ELAPOR2: variants seen among roughly 807,000 people sequenced by gnomAD.
ELAPOR2 encodes endosome/lysosome-associated apoptosis and autophagy regulator family member 2.
A neutral mutation model predicts 120.7 loss-of-function variants in ELAPOR2; 89 were observed. The observed-to-expected ratio is 0.74, with a 90% CI of 0.62 to 0.88. The LOEUF is 0.88. ELAPOR2 is among the 40% of genes least tolerant of loss of function. The pLI is 0.00. For synonymous variants in ELAPOR2, 444 were observed against 444.9 expected, an observed-to-expected ratio of 1.00 and a Z score of 0.03; for missense variants, 1,134 against 1,251.6, an observed-to-expected ratio of 0.91 and a Z score of 1.42.
At chr7:86,901,231 A>G (rs149732870) in intron 18 of ELAPOR2, among the ~76,000 whole-genome samples, 1 of 152,226 alleles carries the variant, frequency 6.6e-6, no homozygotes, top group Non-Finnish European at 1.5e-5. Context: ...TGGTAAATGA[A>G]TAAGAGACTT....
chr7:87,018,199 C>T (rs993987484), intron 1 of ELAPOR2, among the ~76,000 whole-genome samples: 1 of 152,056 alleles, frequency 6.6e-6, no homozygotes, highest in Non-Finnish European at 1.5e-5. Flanking sequence ...CGCCACCATG[C>T]CCAGCTAATT....
chr7:86,997,902 G>A (rs781461809), intron 1 of ELAPOR2, among the ~76,000 whole-genome samples: 14 of 152,106 alleles, frequency 9.2e-5, no homozygotes, highest in South Asian at 2.1e-4. Flanking sequence ...AAAGCCTTTC[G>A]TATGTTTTCA....
chr7:87,021,459 T>C (rs1181839400), intron 1 of ELAPOR2, among the ~76,000 whole-genome samples: 15 of 152,162 alleles, frequency 9.9e-5, no homozygotes, highest in Admixed American at 9.2e-4. Flanking sequence ...TAATGACTCA[T>C]GATATCCATA....
chr7:86,937,302 A>C (rs149770725), intron 8 of ELAPOR2, among the ~76,000 whole-genome samples: 2 of 152,164 alleles, frequency 1.3e-5, no homozygotes, highest in African/African-American at 2.4e-5. Context: ...AATCTAGATT[A>C]GAATCTAGGG....
At chr7:87,016,314 AT>A (rs1439652542) in intron 1 of ELAPOR2, among the ~76,000 whole-genome samples, 4 of 152,058 alleles carry the variant, frequency 2.6e-5, no homozygotes, top group Non-Finnish European at 4.4e-5. Flanking sequence ...AAGTAAGGGG[AT>A]GGGTAGAAAT....
At chr7:86,982,541 C>T (rs1792543378) in intron 1 of ELAPOR2, among the ~76,000 whole-genome samples, 1 of 152,212 alleles carries the variant, frequency 6.6e-6, no homozygotes, top group Non-Finnish European at 1.5e-5. Context: ...ACCAGGCCAA[C>T]AGGGTCCAGA....
intron 2 of ELAPOR2, among the ~76,000 whole-genome samples, chr7:86,961,871 G>A (rs1292181541): frequency 6.6e-6 from 1 of 152,186 alleles, no homozygotes; most frequent in African/African-American, 2.4e-5. Flanking sequence ...GTTCCCTGTG[G>A]CTGAGCCTGG....
intron 1 of ELAPOR2, among the ~76,000 whole-genome samples, chr7:87,031,078 A>G (rs865790036): frequency 2.3e-4 from 35 of 152,152 alleles, no homozygotes; most frequent in Admixed American, 6.5e-4. Context: ...TGATTCAATT[A>G]TCTCCCACCT....
At chr7:86,974,953 T>A (rs1792231961) in intron 1 of ELAPOR2, among the ~76,000 whole-genome samples, 1 of 152,294 alleles carries the variant, frequency 6.6e-6, no homozygotes, top group African/African-American at 2.4e-5. Flanking sequence ...AGGTCATAAG[T>A]AAGACACAGG....
In ELAPOR2 at chr7:86,913,148, T is replaced by A; in HGVS notation, c.1788A>T (p.Ala596=). 1.2e-6 allele frequency: 2 copies of A among 1,614,036 alleles called. No individual in the cohort carries two copies. Among genetic ancestry groups the A allele is most frequent in the African/African-American group, 1.3e-5 (1 of 75,032 alleles). ...GGCATGAGGACGCCACCCCATCAAC[T>A]GCATTAGTGGCTGTGATAGAATAAA... ...VKIYSITATN[A]VDGVASSCRA... Residue 596 remains alanine, a synonymous_variant, in exon 14 of 22, where the codon GCA becomes GCT. Transcript: ENST00000450689.
At chr7:86,914,468 A>T (rs1374962803) in intron 13 of ELAPOR2, among the ~76,000 whole-genome samples, 2 of 152,196 alleles carry the variant, frequency 1.3e-5, no homozygotes, top group Non-Finnish European at 2.9e-5. Flanking sequence ...TCCTTCTCAT[A>T]AGTTTCCAAA....
At chr7:87,019,605 A>T (rs1402957852) in intron 1 of ELAPOR2, among the ~76,000 whole-genome samples, 3 of 152,212 alleles carry the variant, frequency 2.0e-5, no homozygotes, top group Non-Finnish European at 4.4e-5. Context: ...TATGAACTGG[A>T]CACTATTTTT....
At chr7:87,034,409 T>G (rs750078465) in intron 1 of ELAPOR2, among the ~76,000 whole-genome samples, 4 of 152,124 alleles carry the variant, frequency 2.6e-5, no homozygotes, top group Non-Finnish European at 5.9e-5. Flanking sequence ...AGTGAGATTA[T>G]GGGTGTTTTT....
chr7:86,922,046 A>AT (rs1013510728), intron 10 of ELAPOR2, among the ~76,000 whole-genome samples: 15 of 151,750 alleles, frequency 9.9e-5, no homozygotes, highest in South Asian at 2.1e-4. Flanking sequence ...AAAAATTAAG[A>AT]TTTTTTTTTC....
chr7:87,046,417 C>T (rs531410023), intron 1 of ELAPOR2, among the ~76,000 whole-genome samples: 32 of 152,264 alleles, frequency 2.1e-4, no homozygotes, highest in South Asian at 6.2e-4. Context: ...AAAGTACCTA[C>T]GATATTCTTC....
At chr7:87,006,229 T>A (rs1043826286) in intron 1 of ELAPOR2, among the ~76,000 whole-genome samples, 6 of 152,064 alleles carry the variant, frequency 3.9e-5, no homozygotes, top group Non-Finnish European at 8.8e-5. Context: ...AAATGACCAA[T>A]ACACACATTA....
rs148066709 is a variant in ELAPOR2 at position 86,999,260 on chromosome 7, G to A, written c.190-34236C>T. The stretch of plus-strand genomic sequence containing the variant: ...CCACTTAATTTGGGCAAGGTATTCC[G>A]TATTTTGATCTGCTAGAATTTTTTT... On this transcript the variant is annotated intron_variant, in intron 1 of 21. Transcript: ENST00000450689. Among the ~76,000 whole-genome samples, 340 of 152,144 alleles carry A rather than the reference G, an allele frequency of 2.2e-3. 2 individuals are homozygous for A. The highest frequency in any genetic ancestry group is 7.7e-3 in the African/African-American group (321 of 41,534).
chr7:86,973,572 A>G (rs1409033909), intron 1 of ELAPOR2, among the ~76,000 whole-genome samples: 1 of 152,120 alleles, frequency 6.6e-6, no homozygotes, highest in Non-Finnish European at 1.5e-5. Flanking sequence ...GGTCTGCTTC[A>G]CATACAAAAG....
chr7:87,028,066 G>A (rs1794301348), intron 1 of ELAPOR2, among the ~76,000 whole-genome samples: 1 of 152,110 alleles, frequency 6.6e-6, no homozygotes, highest in Admixed American at 6.6e-5. Context: ...ACATGTTGAA[G>A]TATACTTTGT....
Sources: allele counts gnomAD v4.1 joint callset (sites outside exome capture counted in the v4.1 genomes callset), GRCh38; gene constraint gnomAD v4.1.1; transcripts MANE v1.5; gene names NCBI Gene and HGNC (gene_info 2026-07-23, HGNC 2026-07-21).